Variants in SKAP1 observed in about 807,000 individuals in gnomAD.
SKAP1 encodes src kinase-associated phosphoprotein 1.
A neutral mutation model predicts 58.5 loss-of-function variants in SKAP1; 44 were observed. The ratio of observed to expected loss-of-function variants is 0.75; its 90% confidence interval spans 0.59 to 0.97. The LOEUF is 0.97. Among genes scored for constraint, SKAP1 ranks in the 50% least tolerant of loss-of-function variants. The pLI, the probability that SKAP1 is intolerant of heterozygous loss-of-function variation, is 0.00. For missense variants in SKAP1, 390 were observed against 435.2 expected, an observed-to-expected ratio of 0.90 and a Z score of 0.92; for synonymous variants, 127 against 149.7, an observed-to-expected ratio of 0.85 and a Z score of 1.11.
chr17:48,386,483 T>A (rs1430751691), intron 2 of SKAP1, among the ~76,000 whole-genome samples: 3 of 152,158 alleles, frequency 2.0e-5, no homozygotes, highest in Non-Finnish European at 4.4e-5. Context: ...AGGATCCTAT[T>A]AAAATGAGAT....
At chr17:48,421,219 G>T (rs563813135) in intron 1 of SKAP1, among the ~76,000 whole-genome samples, 28 of 151,640 alleles carry the variant, frequency 1.8e-4, no homozygotes, top group African/African-American at 6.5e-4. Flanking sequence ...GCAAACAAAA[G>T]GGAGGAGAAT....
At chr17:48,288,600 C>T (rs1161182397) in intron 4 of SKAP1, among the ~76,000 whole-genome samples, 2 of 152,140 alleles carry the variant, frequency 1.3e-5, no homozygotes, top group Admixed American at 6.5e-5. Flanking sequence ...GCAGAAGGCT[C>T]GCTTGAACCC....
chr17:48,413,368 G>C (rs1315528493), intron 1 of SKAP1, among the ~76,000 whole-genome samples: 8 of 150,900 alleles, frequency 5.3e-5, no homozygotes, highest in Non-Finnish European at 1.2e-4. Flanking sequence ...TACAAAATTA[G>C]CCAGGCATGG....
chr17:48,243,603 ATTGT>A (rs780067936), intron 4 of SKAP1, among the ~76,000 whole-genome samples: 2 of 152,178 alleles, frequency 1.3e-5, no homozygotes, highest in African/African-American at 2.4e-5. Context: ...TATTGTGCTG[ATTGT>A]TTGAGCATCA....
chr17:48,398,703 C>T lies in SKAP1; in HGVS notation c.47-1918G>A, dbSNP rs1005282898. ...CGTCATTTAACAACGCCAGGCCGGG[C>T]GTGGTGGCTCACGCCTGTAATCTCA... On this transcript the variant is annotated intron_variant, in intron 1 of 12. Coordinates refer to ENST00000336915, the MANE Select transcript of SKAP1 (RefSeq NM_003726.4). Among the ~76,000 whole-genome samples, 8 of 152,250 alleles carry T rather than the reference C, an allele frequency of 5.3e-5. No homozygotes were observed. In the South Asian group the frequency reaches 1.0e-3, roughly 20 times the overall value.
chr17:48,281,953 A>G (rs1024319215), intron 4 of SKAP1, among the ~76,000 whole-genome samples: 2 of 152,238 alleles, frequency 1.3e-5, no homozygotes, highest in African/African-American at 4.8e-5. Flanking sequence ...AACCTGAAGA[A>G]CAACAGCTAA....
intron 2 of SKAP1, among the ~76,000 whole-genome samples, chr17:48,378,333 C>T (rs1457341728): frequency 6.6e-6 from 1 of 152,194 alleles, no homozygotes; most frequent in Admixed American, 6.5e-5. Flanking sequence ...ACTTTTGCTG[C>T]AGCCTTAGTT....
chr17:48,138,893 A>ATT (rs112822847), intron 11 of SKAP1, among the ~76,000 whole-genome samples: 113 of 149,538 alleles, frequency 7.6e-4, no homozygotes, highest in African/African-American at 1.7e-3. Flanking sequence ...ATGAAAAAAA[A>ATT]ATTTTTTTTT....
chr17:48,216,738 C>T (rs778521431), intron 4 of SKAP1, among the ~76,000 whole-genome samples: 2 of 152,112 alleles, frequency 1.3e-5, no homozygotes, highest in Non-Finnish European at 2.9e-5. Flanking sequence ...GCGATTCAAC[C>T]ACCTCGGCCT....
intron 4 of SKAP1, chr17:48,203,661 CAG>C (rs1466552749): frequency 6.6e-6 from 1 of 152,144 alleles, no homozygotes; most frequent in Non-Finnish European, 1.5e-5. Context: ...TTCTCTGTCA[CAG>C]GGGCAGAGAA....
intron 4 of SKAP1, among the ~76,000 whole-genome samples, chr17:48,257,696 T>TGC (rs1447202008): frequency 1.3e-5 from 2 of 149,326 alleles, no homozygotes; most frequent in African/African-American, 4.9e-5. Context: ...TTTGAGGGTC[T>TGC]CTCACACTGC....
At chr17:48,225,053 G>A (rs1452667) in intron 4 of SKAP1, among the ~76,000 whole-genome samples, 84,935 of 151,944 alleles carry the variant, frequency 0.56, 24,714 homozygotes, top group East Asian at 0.77. Flanking sequence ...TAATAGAGAA[G>A]GGCAGTCTAC....
chr17:48,316,908 T>A (rs2066296469), intron 4 of SKAP1, among the ~76,000 whole-genome samples: 2 of 152,168 alleles, frequency 1.3e-5, no homozygotes, highest in South Asian at 4.1e-4. Context: ...CATTCTTATT[T>A]CATACAGATC....
At chr17:48,437,741 CAAA>C in the SKAP1 span, among the ~76,000 whole-genome samples, 9 of 65,540 alleles carry the variant, frequency 1.4e-4, no homozygotes, top group Non-Finnish European at 2.5e-4. Context: ...GACTCTGTCT[CAAA>C]AAAAAAAAAA....
upstream of SKAP1, among the ~76,000 whole-genome samples, chr17:48,432,438 AAAG>A (rs1217694025): frequency 4.1e-3 from 602 of 145,100 alleles, 2 homozygotes; most frequent in African/African-American, 0.014. Context: ...CAAAAAAAAG[AAAG>A]AAAGAAAGAA....
intron 4 of SKAP1, among the ~76,000 whole-genome samples, chr17:48,304,093 G>T (rs143411649): frequency 6.6e-6 from 1 of 152,242 alleles, no homozygotes; most frequent in East Asian, 1.9e-4. Flanking sequence ...GATTTTAAAA[G>T]AAGGGATGAT....
intron 4 of SKAP1, among the ~76,000 whole-genome samples, chr17:48,253,262 T>C (rs1484236663): frequency 6.6e-6 from 1 of 152,234 alleles, no homozygotes; most frequent in Non-Finnish European, 1.5e-5. Flanking sequence ...CACTTAGAAG[T>C]CTAACCCTTA....
At chr17:48,199,468 C>G (rs190478169) in intron 4 of SKAP1, among the ~76,000 whole-genome samples, 1 of 152,354 alleles carries the variant, frequency 6.6e-6, no homozygotes, top group African/African-American at 2.4e-5. Context: ...AACTTCCTCT[C>G]TCTACATCCA....
the SKAP1 span, among the ~76,000 whole-genome samples, chr17:48,444,705 C>T: frequency 7.9e-5 from 12 of 152,222 alleles, no homozygotes; most frequent in African/African-American, 2.9e-4. Context: ...CCATTTGTCG[C>T]TGCCTATGCA....
Sources: allele counts gnomAD v4.1 joint callset (sites outside exome capture counted in the v4.1 genomes callset), GRCh38; gene constraint gnomAD v4.1.1; transcripts MANE v1.5; gene names NCBI Gene and HGNC (gene_info 2026-07-23, HGNC 2026-07-21).